ANKRD31: variants seen among roughly 807,000 people sequenced by gnomAD.
ANKRD31 encodes the protein ankyrin repeat domain-containing protein 31.
Under a neutral mutation model 186.0 loss-of-function variants are expected in ANKRD31, and 147 were observed. The ratio of observed to expected loss-of-function variants is 0.79; its 90% confidence interval spans 0.69 to 0.91. The LOEUF (loss-of-function observed/expected upper bound fraction) is 0.91, where lower values mean the gene tolerates loss of function less well. ANKRD31 is among the 40% of genes least tolerant of loss of function. The pLI is 0.00. For missense variants in ANKRD31, 1,986 were observed against 2,148.8 expected (o/e 0.92, Z 1.50); for synonymous variants, 673 against 736.4 (o/e 0.91, Z 1.39).
chr5:75,071,796 C>A (rs1303804630), intron 25 of ANKRD31, among the ~76,000 whole-genome samples: 1 of 152,084 alleles, frequency 6.6e-6, no homozygotes, highest in East Asian at 1.9e-4. Context: ...CCGCGCCCGG[C>A]CGAAAAACTG....
chr5:75,220,149 T>C (rs1757195092), intron 3 of ANKRD31, among the ~76,000 whole-genome samples: 1 of 152,116 alleles, frequency 6.6e-6, no homozygotes, highest in Admixed American at 6.5e-5. Context: ...TGGGACCTAA[T>C]TAAACCAAAC....
At position 75,233,368 on chromosome 5, in the gene ANKRD31, T is replaced by C. The variant is rs531061539; in HGVS notation, c.105-2733A>G. 3.3e-5 allele frequency among the ~76,000 whole-genome samples: 5 copies of C among 152,220 alleles called. No individual in the cohort carries two copies. The East Asian group carries it at 9.7e-4, about 29-fold the overall frequency. ...ATCAGCTACCATGCCCAACCAGGTTTTGCCATTTCTTTGGGTCTTCATTTC... is the reference window on the plus strand; with the variant it reads ...ATCAGCTACCATGCCCAACCAGGTTCTGCCATTTCTTTGGGTCTTCATTTC... On this transcript the variant is annotated intron_variant, in intron 1 of 25. Coordinates refer to ENST00000506364, the MANE Select transcript of ANKRD31 (RefSeq NM_001372053.1).
intron 11 of ANKRD31, among the ~76,000 whole-genome samples, chr5:75,156,699 A>G (rs1275966454): frequency 6.6e-6 from 1 of 152,172 alleles, no homozygotes; most frequent in Non-Finnish European, 1.5e-5. Context: ...CACACAGAGG[A>G]AAAGCTGAGG....
chr5:75,173,899 A>G (rs879920905), intron 10 of ANKRD31, among the ~76,000 whole-genome samples: 18 of 152,208 alleles, frequency 1.2e-4, no homozygotes, highest in Non-Finnish European at 2.1e-4. Flanking sequence ...ATATGGAACC[A>G]AAAAATAGCC....
intron 6 of ANKRD31, among the ~76,000 whole-genome samples, chr5:75,197,367 T>A (rs1339488169): frequency 6.6e-6 from 1 of 152,230 alleles, no homozygotes; most frequent in East Asian, 1.9e-4. Context: ...TGGGTTTCAA[T>A]GACTTTGGTT....
chr5:75,198,339 T>C (rs554032055), intron 6 of ANKRD31, among the ~76,000 whole-genome samples: 3 of 152,224 alleles, frequency 2.0e-5, no homozygotes, highest in South Asian at 4.1e-4. Context: ...TCTATGCACA[T>C]CAGGCAGCAG....
rs1447735577 is a variant in ANKRD31, at chr5:75,144,855, G to A, written c.3425-684C>T. The stretch of plus-strand genomic sequence containing the variant: ...TTTTGCGATCTATCCATCTGACAAA[G>A]GGCTAATATCCAGAATTTACAAGGA... On this transcript the variant is annotated intron_variant, in intron 14 of 25. Coordinates refer to ENST00000506364, the MANE Select transcript of ANKRD31 (RefSeq NM_001372053.1). Among the ~76,000 whole-genome samples the A allele has an allele frequency of 3.3e-5, 5 of 152,090 alleles. No homozygotes were observed. The East Asian group carries it at 9.7e-4, about 29-fold the overall frequency.
At chr5:75,176,924 C>T (rs1186393734) in intron 10 of ANKRD31, among the ~76,000 whole-genome samples, 2 of 152,074 alleles carry the variant, frequency 1.3e-5, no homozygotes, top group African/African-American at 2.4e-5. Flanking sequence ...TTCAGAAGAT[C>T]AAACTACTCC....
intron 11 of ANKRD31, among the ~76,000 whole-genome samples, chr5:75,162,699 G>C (rs1752652759): frequency 6.6e-6 from 1 of 152,110 alleles, no homozygotes; most frequent in African/African-American, 2.4e-5. Flanking sequence ...TGCTGTGGGA[G>C]GGACCTGGTG....
intron 3 of ANKRD31, among the ~76,000 whole-genome samples, chr5:75,216,004 C>G (rs561792867): frequency 6.6e-6 from 1 of 152,216 alleles, no homozygotes; most frequent in Non-Finnish European, 1.5e-5. Flanking sequence ...TGTTCACATA[C>G]TGGGATTACA....
chr5:75,163,277 T>C (rs1221678706), intron 11 of ANKRD31, among the ~76,000 whole-genome samples: 1 of 152,124 alleles, frequency 6.6e-6, no homozygotes, highest in Non-Finnish European at 1.5e-5. Flanking sequence ...TTTTTGACAC[T>C]TTCAATAATA....
intron 24 of ANKRD31, among the ~76,000 whole-genome samples, chr5:75,081,814 T>A (rs954912588): frequency 1.3e-5 from 2 of 151,860 alleles, no homozygotes; most frequent in Admixed American, 1.3e-4. Context: ...CCCTCAGGAA[T>A]CAAAGTAAAG....
chr5:75,206,619 C>A (rs928099926), intron 4 of ANKRD31, 132 bp from the exon 5 acceptor site: 3 of 371,906 alleles, frequency 8.1e-6, no homozygotes, highest in East Asian at 4.8e-5. Flanking sequence ...TATATCATTC[C>A]AATTATTTTT....
intron 11 of ANKRD31, among the ~76,000 whole-genome samples, chr5:75,155,683 T>TGTATGGAATGAGAGGAA (rs775933527): frequency 6.6e-6 from 1 of 152,172 alleles, no homozygotes; most frequent in Non-Finnish European, 1.5e-5. Flanking sequence ...TCCATGTTAA[T>TGTATGGAATGAGAGGAA]GTATGGAATG....
chr5:75,176,292 G>A (rs2150206117), intron 10 of ANKRD31, among the ~76,000 whole-genome samples: 1 of 152,310 alleles, frequency 6.6e-6, no homozygotes. Context: ...GCCTCTGTAG[G>A]CTCTACCTCT....
intron 23 of ANKRD31, among the ~76,000 whole-genome samples, chr5:75,084,671 G>A (rs1007931509): frequency 6.6e-6 from 1 of 151,970 alleles, no homozygotes; most frequent in Admixed American, 6.6e-5. Context: ...ACCTTTTACA[G>A]AAAAAAATGT....
intron 22 of ANKRD31, among the ~76,000 whole-genome samples, chr5:75,099,576 T>A (rs2150047077): frequency 6.6e-6 from 1 of 152,342 alleles, no homozygotes; most frequent in African/African-American, 2.4e-5. Flanking sequence ...TTTTTTTGGT[T>A]GGTAGGCTAT....
At chr5:75,167,641 T>C (rs934245212) in intron 11 of ANKRD31, among the ~76,000 whole-genome samples, 7 of 152,198 alleles carry the variant, frequency 4.6e-5, no homozygotes, top group African/African-American at 1.7e-4. Flanking sequence ...AATAGAGGCC[T>C]GTGTCTTTGG....
At chr5:75,221,236 T>C (rs1757280613) in intron 3 of ANKRD31, among the ~76,000 whole-genome samples, 1 of 152,142 alleles carries the variant, frequency 6.6e-6, no homozygotes, top group African/African-American at 2.4e-5. Context: ...CTATGCTTAG[T>C]ACCCAGGTGA....
Sources: allele counts gnomAD v4.1 joint callset (sites outside exome capture counted in the v4.1 genomes callset), GRCh38; gene constraint gnomAD v4.1.1; transcripts MANE v1.5; gene names NCBI Gene and HGNC (gene_info 2026-07-23, HGNC 2026-07-21).